Variants in RUNDC3B observed in about 807,000 individuals in gnomAD.
RUNDC3B encodes the protein RUN domain-containing protein 3B.
RUNDC3B carries 33 observed loss-of-function variants against 58.4 expected under a neutral mutation model. The observed-to-expected ratio is 0.56, with a 90% CI of 0.43 to 0.75. The LOEUF is 0.75. Among genes scored for constraint, RUNDC3B ranks in the 30% least tolerant of loss-of-function variants. The probability of loss-of-function intolerance (pLI) is 0.00; values close to 1 mark genes in which losing one functional copy is unlikely to be tolerated. For synonymous variants in RUNDC3B, 193 were observed against 195.2 expected, an observed-to-expected ratio of 0.99 and a Z score of 0.10; for missense variants, 501 against 535.7, an observed-to-expected ratio of 0.94 and a Z score of 0.64.
chr7:87,706,322 T>C (rs569269018), intron 3 of RUNDC3B, among the ~76,000 whole-genome samples: 2 of 152,254 alleles, frequency 1.3e-5, no homozygotes, highest in South Asian at 4.2e-4. Flanking sequence ...GTAATCTGAT[T>C]TCCATTTTAT....
intron 10 of RUNDC3B, among the ~76,000 whole-genome samples, chr7:87,827,567 C>T (rs1182805197): frequency 6.6e-6 from 1 of 151,926 alleles, no homozygotes; most frequent in Admixed American, 6.6e-5. Flanking sequence ...AACCAAAATG[C>T]ATTAAGCATT....
intron 4 of RUNDC3B, among the ~76,000 whole-genome samples, chr7:87,732,065 T>C (rs1831610688): frequency 6.6e-6 from 1 of 152,194 alleles, no homozygotes; most frequent in East Asian, 1.9e-4. Context: ...TAAATAACTT[T>C]TCTGACTACA....
intron 2 of RUNDC3B, among the ~76,000 whole-genome samples, chr7:87,697,613 G>A (rs916715): frequency 6.6e-6 from 1 of 152,194 alleles, no homozygotes; most frequent in South Asian, 2.1e-4. Context: ...TGTGATGCAA[G>A]GAGAGCTTGG....
intron 6 of RUNDC3B, among the ~76,000 whole-genome samples, chr7:87,753,767 A>G (rs1833178348): frequency 6.6e-6 from 1 of 152,170 alleles, no homozygotes; most frequent in Non-Finnish European, 1.5e-5. Context: ...CTCCACCTCA[A>G]TTTAAACCTG....
chr7:87,677,134 T>C (rs1302077663), intron 2 of RUNDC3B, among the ~76,000 whole-genome samples: 1 of 152,124 alleles, frequency 6.6e-6, no homozygotes, highest in African/African-American at 2.4e-5. Flanking sequence ...GGGTTATTTA[T>C]TGAAAGAAGA....
At position 87,725,677 on chromosome 7, in the gene RUNDC3B, C is replaced by G. The variant is rs1831185038; in HGVS notation, c.459-14114C>G. 3.3e-5 allele frequency among the ~76,000 whole-genome samples: 5 copies of G among 152,336 alleles called. No individual in the cohort carries two copies. The South Asian group carries it at 1.0e-3, about 32-fold the overall frequency. On this transcript the variant is annotated intron_variant, in intron 4 of 10. Coordinates refer to ENST00000394654, the MANE Select transcript of RUNDC3B (RefSeq NM_001134405.2). ...TGAGGAATTGCCACACTGACTTCCA[C>G]AATGGTTGAACTAGTTTACCGTCCC... is the stretch of plus-strand genomic sequence containing the variant.
intron 8 of RUNDC3B, among the ~76,000 whole-genome samples, chr7:87,791,441 T>C (rs1368671741): frequency 6.6e-6 from 1 of 152,210 alleles, no homozygotes; most frequent in East Asian, 1.9e-4. Context: ...ATTATAGTAC[T>C]ATAACTGTGG....
intron 3 of RUNDC3B, among the ~76,000 whole-genome samples, chr7:87,708,669 A>T (rs996790495): frequency 1.3e-5 from 2 of 152,016 alleles, no homozygotes; most frequent in Admixed American, 1.3e-4. Flanking sequence ...TTAAATGCTG[A>T]CAGCTCATTC....
At chr7:87,780,578 T>A (rs1834870729) in intron 8 of RUNDC3B, among the ~76,000 whole-genome samples, 1 of 152,218 alleles carries the variant, frequency 6.6e-6, no homozygotes, top group South Asian at 2.1e-4. Context: ...GATAGTTTCT[T>A]TTGCTGTGTA....
chr7:87,723,135 A>G (rs569346732), intron 4 of RUNDC3B, among the ~76,000 whole-genome samples: 125 of 152,338 alleles, frequency 8.2e-4, no homozygotes, highest in African/African-American at 3.0e-3. Flanking sequence ...TAATTCAGCT[A>G]AACAGTAAAA....
intron 9 of RUNDC3B, among the ~76,000 whole-genome samples, chr7:87,813,943 T>C (rs1836875663): frequency 6.7e-6 from 1 of 149,858 alleles, no homozygotes; most frequent in Non-Finnish European, 1.5e-5. Flanking sequence ...ATCGCGCCAC[T>C]GCACTCCAGC....
At chr7:87,729,621 TTAAA>T (rs1831460839) in intron 4 of RUNDC3B, among the ~76,000 whole-genome samples, 1 of 152,188 alleles carries the variant, frequency 6.6e-6, no homozygotes, top group Non-Finnish European at 1.5e-5. Context: ...CTTGGGGGTC[TTAAA>T]TAAATTTAAA....
At chr7:87,776,641 A>C (rs1459035707) in intron 7 of RUNDC3B, among the ~76,000 whole-genome samples, 1 of 152,072 alleles carries the variant, frequency 6.6e-6, no homozygotes. Context: ...TTCTTTAATT[A>C]CTAATGTTTA....
chr7:87,656,082 C>G (rs1234373169), intron 2 of RUNDC3B, among the ~76,000 whole-genome samples: 1 of 151,942 alleles, frequency 6.6e-6, no homozygotes, highest in African/African-American at 2.4e-5. Context: ...AAATAAATTT[C>G]AGTTATCTAT....
intron 7 of RUNDC3B, among the ~76,000 whole-genome samples, chr7:87,772,252 C>T (rs867635816): frequency 1.3e-5 from 2 of 151,614 alleles, no homozygotes; most frequent in South Asian, 4.2e-4. Context: ...TAACAACTGA[C>T]TTAAATTTCT....
At chr7:87,769,095 G>T (rs1467114479) in intron 6 of RUNDC3B, among the ~76,000 whole-genome samples, 1 of 151,952 alleles carries the variant, frequency 6.6e-6, no homozygotes, top group Admixed American at 6.6e-5. Flanking sequence ...CTACCTCCTG[G>T]GTTCAAATGA....
chr7:87,753,841 C>G (rs1171478983), intron 6 of RUNDC3B, among the ~76,000 whole-genome samples: 1 of 152,102 alleles, frequency 6.6e-6, no homozygotes, highest in Non-Finnish European at 1.5e-5. Context: ...CATAGAGGAG[C>G]CAGAGTGATC....
At chr7:87,765,263 C>A (rs1833914926) in intron 6 of RUNDC3B, among the ~76,000 whole-genome samples, 2 of 150,648 alleles carry the variant, frequency 1.3e-5, no homozygotes. Flanking sequence ...TTTAACTGAT[C>A]CTTTGGGTTG....
intron 7 of RUNDC3B, among the ~76,000 whole-genome samples, chr7:87,771,789 A>G (rs895731061): frequency 3.3e-5 from 5 of 152,242 alleles, no homozygotes; most frequent in African/African-American, 9.6e-5. Context: ...CCTAGAATGT[A>G]GGAGTGAGGT....
Sources: allele counts gnomAD v4.1 joint callset (sites outside exome capture counted in the v4.1 genomes callset), GRCh38; gene constraint gnomAD v4.1.1; transcripts MANE v1.5; gene names NCBI Gene and HGNC (gene_info 2026-07-23, HGNC 2026-07-21).